The following PAAF1 variants were observed in gnomAD, a reference collection of about 807,000 sequenced individuals.
PAAF1 encodes proteasomal ATPase-associated factor 1.
In PAAF1, 46 loss-of-function variants were observed where a neutral mutation model predicts 52.8. The observed-to-expected ratio is 0.87, with a 90% confidence interval of 0.69 to 1.11. PAAF1 has a LOEUF of 1.11. Ranked by LOEUF, PAAF1 falls within the 50% of genes most tolerant of loss-of-function variation. The probability of loss-of-function intolerance (pLI) is 0.00; values close to 1 mark genes in which losing one functional copy is unlikely to be tolerated. For missense variants in PAAF1, 424 were observed against 477.4 expected (o/e 0.89, Z 1.04); for synonymous variants, 178 against 172.8 (o/e 1.03, Z -0.24).
At chr11:73,885,081 G>A (rs1031374283) in intron 2 of PAAF1, among the ~76,000 whole-genome samples, 2 of 151,262 alleles carry the variant, frequency 1.3e-5, no homozygotes, top group African/African-American at 4.9e-5. Flanking sequence ...GGATGGTCTC[G>A]ATCTCCTGAC....
At chr11:73,907,676 G>T (rs535031370) in intron 6 of PAAF1, among the ~76,000 whole-genome samples, 1 of 152,286 alleles carries the variant, frequency 6.6e-6, no homozygotes, top group Admixed American at 6.5e-5. Flanking sequence ...GAATGGGAGT[G>T]CTGCTGCCGG....
At chr11:73,908,809 T>C (rs58199491) in intron 6 of PAAF1, among the ~76,000 whole-genome samples, 8,588 of 152,062 alleles carry the variant, frequency 0.056, 271 homozygotes, top group Middle Eastern at 0.099. Flanking sequence ...ATTTATTTTT[T>C]GAGACGGAGT....
Position 73,877,002 on chromosome 11 carries a change from C to T in PAAF1, c.-20C>T, listed in dbSNP as rs1365497634. 3.3e-6 allele frequency: 5 copies of T among 1,524,410 alleles called. No individual in the cohort carries two copies. The highest frequency in any genetic ancestry group is 2.1e-5 in the Admixed American group (1 of 47,630). The allele number at this position is 1,524,410 out of a possible 1,614,324, so 94.4% of individuals were successfully genotyped here. ...TCCGGGAAGGGGCGGAAGAGGTGGGCTGGTGGAGGCGGGGTCGAGATGGCG... is the reference window on the plus strand; with the variant it reads ...TCCGGGAAGGGGCGGAAGAGGTGGGTTGGTGGAGGCGGGGTCGAGATGGCG... On this transcript the variant is annotated 5_prime_UTR_variant, in exon 1 of 12. Transcript: ENST00000310571.
intron 7 of PAAF1, among the ~76,000 whole-genome samples, chr11:73,913,174 G>A (rs2135209679): frequency 6.6e-6 from 1 of 152,280 alleles, no homozygotes; most frequent in Non-Finnish European, 1.5e-5. Context: ...ACCGCACCTG[G>A]CCTGACTTTG....
rs1950232937 is a variant in PAAF1, at chr11:73,922,049, C to T, written c.1019-2566C>T. ...TTTTGAAGAAGACATTGGCCTTGAA[C>T]TAATAGATGGCTTCATCCACAGTAT... On this transcript the variant is annotated intron_variant, in intron 10 of 11. Transcript: ENST00000310571. 18 of 830,364 alleles carry T rather than the reference C, an allele frequency of 2.2e-5. 1 individual carries two copies. In the South Asian group the frequency reaches 2.2e-4, roughly 10 times the overall value. The allele number at this position is 830,364 out of a possible 1,614,324, so 51.4% of individuals were successfully genotyped here.
intron 2 of PAAF1, among the ~76,000 whole-genome samples, chr11:73,882,882 C>T (rs1308334237): frequency 2.0e-5 from 3 of 151,834 alleles, no homozygotes; most frequent in East Asian, 3.9e-4. Context: ...GGATTACAGG[C>T]GTGAGCCACT....
At chr11:73,899,408 C>CTTTTTTTTTTTTTTTTTTTTTTTTTTT (rs71065053) in intron 5 of PAAF1, among the ~76,000 whole-genome samples, 164 bp downstream of exon 5, 4 of 101,220 alleles carry the variant, frequency 4.0e-5, no homozygotes, top group African/African-American at 1.2e-4. Context: ...TTCTTTTTCT[C>CTTTTTTTTTTTTTTTTTTTTTTTTTTT]TTTTTTTTTT....
At chr11:73,897,918 C>T (rs1456203278) in intron 4 of PAAF1, among the ~76,000 whole-genome samples, 1 of 152,130 alleles carries the variant, frequency 6.6e-6, no homozygotes, top group African/African-American at 2.4e-5. Flanking sequence ...AACGAGACTC[C>T]GTCTGCAATC....
chr11:73,910,761 C>T (rs1591106688), intron 7 of PAAF1, among the ~76,000 whole-genome samples: 1 of 152,068 alleles, frequency 6.6e-6, no homozygotes. Context: ...GAGGCCGAGG[C>T]GGGCGATTCA....
intron 7 of PAAF1, 37 bp from the exon 8 acceptor site, chr11:73,914,376 G>A (rs1950008387): frequency 6.3e-7 from 1 of 1,584,614 alleles, no homozygotes; most frequent in African/African-American, 1.3e-5. Context: ...CAGCTGATCA[G>A]CCTCACTGTT....
chr11:73,877,935 C>A (rs1336283833), intron 1 of PAAF1, among the ~76,000 whole-genome samples: 9 of 152,154 alleles, frequency 5.9e-5, no homozygotes, highest in Admixed American at 1.3e-4. Flanking sequence ...GCAAACTATT[C>A]ATTCATCTAA....
intron 2 of PAAF1, among the ~76,000 whole-genome samples, chr11:73,883,661 C>T (rs1409138749): frequency 2.6e-5 from 4 of 151,920 alleles, no homozygotes; most frequent in Admixed American, 1.3e-4. Context: ...GGATTACAGG[C>T]GCCTGCCACC....
chr11:73,905,230 C>T (rs12287867), intron 6 of PAAF1, among the ~76,000 whole-genome samples: 304 of 146,736 alleles, frequency 2.1e-3, no homozygotes, highest in Middle Eastern at 7.0e-3. Context: ...TTGCTGCTTT[C>T]TTTTTTTTTT....
intron 11 of PAAF1, among the ~76,000 whole-genome samples, chr11:73,926,552 A>G (rs930876842): frequency 6.6e-6 from 1 of 152,104 alleles, no homozygotes; most frequent in Non-Finnish European, 1.5e-5. Flanking sequence ...TACTAACAAT[A>G]CAAAAAATTA....
At chr11:73,922,600 G>A (rs908033555) in intron 10 of PAAF1, among the ~76,000 whole-genome samples, 6 of 151,944 alleles carry the variant, frequency 3.9e-5, no homozygotes, top group African/African-American at 7.3e-5. Flanking sequence ...GGCGGATCAC[G>A]AGGTCAGGAG....
intron 4 of PAAF1, among the ~76,000 whole-genome samples, chr11:73,896,227 A>G (rs11235944): frequency 0.12 from 17,286 of 149,312 alleles, 1,497 homozygotes; most frequent in African/African-American, 0.24. Context: ...ATACCTATAT[A>G]TAGGTATATG....
chr11:73,896,848 G>C (rs1949385847), intron 4 of PAAF1, among the ~76,000 whole-genome samples: 1 of 151,572 alleles, frequency 6.6e-6, no homozygotes, highest in Non-Finnish European at 1.5e-5. Flanking sequence ...CGGGCAGAGG[G>C]GCTCCTCACT....
intron 4 of PAAF1, among the ~76,000 whole-genome samples, chr11:73,894,469 A>G (rs979815674): frequency 1.3e-5 from 2 of 152,078 alleles, no homozygotes; most frequent in Admixed American, 1.3e-4. Flanking sequence ...ATGAAACCCC[A>G]TCTCTACTAA....
intron 2 of PAAF1, among the ~76,000 whole-genome samples, chr11:73,884,743 C>G (rs1274366439): frequency 6.6e-6 from 1 of 152,198 alleles, no homozygotes; most frequent in Non-Finnish European, 1.5e-5. Flanking sequence ...AAACTTCTAC[C>G]CTAGACTTTG....
Sources: gnomAD v4.1 joint callset for allele counts (sites outside exome capture counted in the v4.1 genomes callset) on GRCh38, gnomAD v4.1.1 for gene constraint, MANE v1.5 for transcripts, NCBI Gene and HGNC (gene_info 2026-07-23, HGNC 2026-07-21) for gene names.